The following RORA variants were observed in gnomAD, a reference collection of about 807,000 sequenced individuals.
RORA encodes the protein RAR related orphan receptor A, also known as nuclear receptor ROR-alpha.
Under a neutral mutation model 69.5 loss-of-function variants are expected in RORA, and 7 were observed. The ratio of observed to expected loss-of-function variants is 0.10; its 90% CI spans 0.06 to 0.19. The LOEUF (loss-of-function observed/expected upper bound fraction) is 0.19. Ranked by LOEUF, RORA falls within the 10% of genes least tolerant of loss-of-function variation. The probability of loss-of-function intolerance (pLI) is 1.00; values close to 1 mark genes in which losing one functional copy is unlikely to be tolerated. For missense variants in RORA, 457 were observed against 663.0 expected (o/e 0.69, Z 3.41); for synonymous variants, 261 against 240.8 (o/e 1.08, Z -0.78).
intron 2 of RORA, among the ~76,000 whole-genome samples, chr15:60,582,333 T>C (rs1457995570): frequency 6.6e-6 from 1 of 152,310 alleles, no homozygotes; most frequent in East Asian, 1.9e-4. Flanking sequence ...TTTGTTTGCC[T>C]CTCCCAAGTC....
At chr15:60,831,156 A>G (rs1187059628) in intron 1 of RORA, among the ~76,000 whole-genome samples, 1 of 152,150 alleles carries the variant, frequency 6.6e-6, no homozygotes, top group East Asian at 1.9e-4. Flanking sequence ...TAGTTTCCAA[A>G]TGTTACTGTA....
intron 2 of RORA, among the ~76,000 whole-genome samples, chr15:60,609,232 G>A (rs1394865132): frequency 1.3e-5 from 2 of 152,136 alleles, no homozygotes; most frequent in African/African-American, 4.8e-5. Context: ...CTGCTCCACA[G>A]ACCTTTGCTC....
rs188186784 is a variant in RORA at position 61,217,272 on chromosome 15, T to G, written c.166+11781A>C. On this transcript the variant is annotated intron_variant, in intron 1 of 10. Transcript: ENST00000335670. The stretch of plus-strand genomic sequence containing the variant: ...ACTAGGCTCATACCTGGAAAATAAC[T>G]ATCAGACAGCGTAAAAGAGGCCTGG... Among the ~76,000 whole-genome samples, 66 of 152,252 alleles carry G rather than the reference T, an allele frequency of 4.3e-4. No individual in the cohort carries two copies. The Middle Eastern group carries it at 0.024, about 55-fold the overall frequency.
chr15:60,820,645 G>C (rs761192784), intron 1 of RORA, among the ~76,000 whole-genome samples: 4 of 152,050 alleles, frequency 2.6e-5, no homozygotes, highest in Non-Finnish European at 2.9e-5. Context: ...GAGGGGTGGG[G>C]GTGGAGGTGG....
intron 1 of RORA, among the ~76,000 whole-genome samples, chr15:60,752,387 G>A (rs977544086): frequency 2.6e-5 from 4 of 152,094 alleles, no homozygotes; most frequent in South Asian, 2.1e-4. Context: ...AAAGTGTGGC[G>A]ACGGTTGTTT....
At chr15:60,581,462 AGAG>A (rs1450613370) in intron 2 of RORA, among the ~76,000 whole-genome samples, 2 of 152,242 alleles carry the variant, frequency 1.3e-5, no homozygotes, top group African/African-American at 2.4e-5. Flanking sequence ...ATGCAACTTA[AGAG>A]GAGGAGGATT....
Position 60,540,555 on chromosome 15 carries a change from A to G in RORA, c.197-8704T>C, listed in dbSNP as rs981190651. On this transcript the variant is annotated intron_variant, in intron 2 of 10. Transcript: ENST00000335670. ...ATTGATTACTAATTCCACCTGCACA[A>G]TTTCCATGACCCCCCCCCCCCAAAA... 6.1e-4 allele frequency among the ~76,000 whole-genome samples: 60 copies of G among 98,160 alleles called. 1 individual carries two copies. Among genetic ancestry groups the G allele is most frequent in the African/African-American group, 2.7e-3 (59 of 22,166 alleles). The allele number at this position is 98,160 out of a possible 152,430, so 64.4% of individuals were successfully genotyped here. A position where few individuals can be genotyped will look rare whatever the true frequency, so the allele number is the denominator to read the frequency against.
intron 1 of RORA, among the ~76,000 whole-genome samples, chr15:61,094,868 C>T (rs772335555): frequency 6.6e-5 from 10 of 152,138 alleles, no homozygotes; most frequent in African/African-American, 1.2e-4. Flanking sequence ...GAGAAAGAGG[C>T]GTTCCTCTGC....
At chr15:61,212,716 G>A (rs2080004529) in intron 1 of RORA, among the ~76,000 whole-genome samples, 1 of 152,102 alleles carries the variant, frequency 6.6e-6, no homozygotes, top group Non-Finnish European at 1.5e-5. Context: ...TACACCTTAT[G>A]TAGATGTAGG....
intron 2 of RORA, among the ~76,000 whole-genome samples, chr15:60,649,262 G>T (rs2070105309): frequency 6.6e-6 from 1 of 151,590 alleles, no homozygotes; most frequent in Non-Finnish European, 1.5e-5. Context: ...AAAATCCCCG[G>T]CATATAAGAT....
At chr15:60,660,532 T>TAAAAAGAAATCTACCTGCATATGCTG (rs2070288461) in intron 2 of RORA, among the ~76,000 whole-genome samples, 1 of 152,130 alleles carries the variant, frequency 6.6e-6, no homozygotes, top group East Asian at 1.9e-4. Context: ...ACCTGCACCT[T>TAAAAAGAAATCTACCTGCATATGCTG]AAAAAGAAAT....
At chr15:60,787,337 T>C (rs1163895525) in intron 1 of RORA, among the ~76,000 whole-genome samples, 1 of 152,210 alleles carries the variant, frequency 6.6e-6, no homozygotes, top group African/African-American at 2.4e-5. Flanking sequence ...GGAAAGGTTG[T>C]ACCCGCCTCG....
intron 2 of RORA, among the ~76,000 whole-genome samples, chr15:60,638,248 G>A (rs1233039350): frequency 1.3e-5 from 2 of 152,104 alleles, no homozygotes; most frequent in African/African-American, 2.4e-5. Flanking sequence ...CCTGAATTAC[G>A]ACAGTCCTGG....
chr15:60,696,847 C>T (rs2070914144), intron 1 of RORA, among the ~76,000 whole-genome samples: 1 of 152,044 alleles, frequency 6.6e-6, no homozygotes, highest in Non-Finnish European at 1.5e-5. Flanking sequence ...GAGGCCAGAG[C>T]AAAGGTAAAA....
At chr15:61,195,939 C>G (rs189708140) in intron 1 of RORA, 1 of 152,206 alleles carries the variant, frequency 6.6e-6, no homozygotes, top group South Asian at 2.1e-4. Context: ...CTAATATGTA[C>G]GTGAAAAGCA....
At chr15:61,097,979 C>T (rs1163293396) in intron 1 of RORA, among the ~76,000 whole-genome samples, 7 of 152,180 alleles carry the variant, frequency 4.6e-5, no homozygotes, top group Non-Finnish European at 1.0e-4. Flanking sequence ...AGTTTTCTGC[C>T]TGGTATGTTG....
intron 1 of RORA, among the ~76,000 whole-genome samples, chr15:60,688,944 C>T (rs1339899902): frequency 1.3e-5 from 2 of 152,218 alleles, no homozygotes; most frequent in Non-Finnish European, 2.9e-5. Flanking sequence ...GGTGCTACCT[C>T]AGAGACTGAT....
chr15:60,627,500 T>C lies in RORA; in HGVS notation c.196+51157A>G, dbSNP rs374778785. On this transcript the variant is annotated intron_variant, in intron 2 of 10. Coordinates refer to ENST00000335670, the MANE Select transcript of RORA (RefSeq NM_134261.3). ...GGGTGGAGAATGATGGGGAGGAGTA[T>C]GGGGGATAATGCTCAGAGGCCCTGT... 3.3e-6 allele frequency: 5 copies of C among 1,526,758 alleles called. No individual in the cohort carries two copies. The East Asian group carries it at 6.8e-5, about 21-fold the overall frequency. The allele number at this position is 1,526,758 out of a possible 1,614,324, so 94.6% of individuals were successfully genotyped here.
At chr15:61,027,138 G>A (rs1895860699) in intron 1 of RORA, among the ~76,000 whole-genome samples, 1 of 152,216 alleles carries the variant, frequency 6.6e-6, no homozygotes, top group Non-Finnish European at 1.5e-5. Context: ...AGCCCAGTGT[G>A]GGCGAGGGTC....
Sources: gnomAD v4.1 joint callset for allele counts (sites outside exome capture counted in the v4.1 genomes callset) on GRCh38, gnomAD v4.1.1 for gene constraint, MANE v1.5 for transcripts, NCBI Gene and HGNC (gene_info 2026-07-23, HGNC 2026-07-21) for gene names.